Variants in LPA observed in about 807,000 individuals in gnomAD.
LPA encodes lipoprotein(a).
In LPA, 199 loss-of-function variants were observed where a neutral mutation model predicts 197.9. That is an observed-to-expected ratio of 1.01 (90% CI 0.90 to 1.13). LPA has a LOEUF of 1.13. LPA is among the 50% of genes most tolerant of loss of function. The pLI is 0.00. For missense variants in LPA, 1,853 were observed against 1,785.8 expected, an observed-to-expected ratio of 1.04 and a Z score of -0.68; for synonymous variants, 715 against 639.5, an observed-to-expected ratio of 1.12 and a Z score of -1.78.
rs1249380883 is a variant in LPA at position 160,611,736 on chromosome 6, C to G, written c.2444-15G>C. 2.1e-6 allele frequency: 3 copies of G among 1,449,534 alleles called. No homozygotes were observed. The highest frequency in any genetic ancestry group is 1.8e-5 in the Admixed American group (1 of 57,102). 89.8% of individuals were successfully genotyped at this position (1,449,534 alleles called of 1,614,324 possible). ...CTCAGTCGGTGCTGAAATGAAAACA[C>G]AAGAAATAAACTGAGTATCTCTGAG... On this transcript the variant is annotated splice_polypyrimidine_tract_variant and intron_variant, in intron 15 of 38. Coordinates refer to ENST00000316300, the MANE Select transcript of LPA (RefSeq NM_005577.4).
rs540293854 is a variant in LPA at position 160,586,630 on chromosome 6, A to G, written c.3948T>C (p.Gly1316=). The G allele has an allele frequency of 6.2e-7, 1 of 1,613,634 alleles. No individual in the cohort carries two copies. Among genetic ancestry groups the G allele is most frequent in the Admixed American group, 1.7e-5 (1 of 59,986 alleles). The change falls in exon 25 of 39, where the codon GGT becomes GGC. Residue 1316 remains glycine (G), a splice_region_variant and synonymous_variant. Transcript: ENST00000316300. ...TCCTGCAGTAGTTCCTGGTCAGGCC[A>G]CTGCAAATTCCAAAACAATACAGGT... ...HQRTTEYYPN[G]GLTRNYCRNP...
intron 28 of LPA, among the ~76,000 whole-genome samples, chr6:160,560,092 A>G (rs1778336325): frequency 6.6e-6 from 1 of 152,192 alleles, no homozygotes; most frequent in Admixed American, 6.5e-5. Flanking sequence ...TTCCAGCTTC[A>G]TCCATGTCCC....
chr6:160,585,533 C>T (rs1400605220), intron 25 of LPA, among the ~76,000 whole-genome samples: 3 of 152,060 alleles, frequency 2.0e-5, no homozygotes, highest in Non-Finnish European at 4.4e-5. Context: ...GAGAACAAGG[C>T]AGGAGACCAG....
At chr6:160,533,531 CAT>C (rs935615406) in intron 37 of LPA, among the ~76,000 whole-genome samples, 3 of 152,160 alleles carry the variant, frequency 2.0e-5, no homozygotes, top group African/African-American at 7.2e-5. Flanking sequence ...CAACCTTCCA[CAT>C]GTTTGTTCAT....
chr6:160,555,840 A>G (rs1007387870), intron 30 of LPA, among the ~76,000 whole-genome samples, 185 bp downstream of exon 30: 1 of 152,124 alleles, frequency 6.6e-6, no homozygotes, highest in African/African-American at 2.4e-5. Context: ...CTATTAGAAA[A>G]GATAGCAAGC....
Position 160,531,489 on chromosome 6 carries a change from C to G in LPA, c.*240G>C. ...GACCAAAACCAAAATTAATTCAAAT[C>G]AAAATAAGTGCAGAGTTTATTTTTA... On this transcript the variant is annotated 3_prime_UTR_variant, in exon 39 of 39. Coordinates refer to ENST00000316300, the MANE Select transcript of LPA (RefSeq NM_005577.4). 1 of 532,924 alleles carries G rather than the reference C, an allele frequency of 1.9e-6. No homozygotes were observed. Among genetic ancestry groups the G allele is most frequent in the Non-Finnish European group, 3.4e-6 (1 of 298,254 alleles). 33.0% of individuals were successfully genotyped at this position (532,924 alleles called of 1,614,324 possible). A position where few individuals can be genotyped will look rare whatever the true frequency, so the allele number is the denominator to read the frequency against.
intron 20 of LPA, 70 bp from the exon 21 acceptor site, chr6:160,595,605 A>G: frequency 6.2e-7 from 1 of 1,608,454 alleles, no homozygotes; most frequent in Non-Finnish European, 8.5e-7. Flanking sequence ...CGCCCTCTAC[A>G]TTTTGCTGTA....
At chr6:160,535,578 GTGGTGA>G (rs1337953587) in intron 37 of LPA, among the ~76,000 whole-genome samples, 4 of 38,746 alleles carry the variant, frequency 1.0e-4, no homozygotes, top group African/African-American at 2.4e-4. Context: ...GATGATGGTG[GTGGTGA>G]TGGTGATGGT....
intron 16 of LPA, among the ~76,000 whole-genome samples, chr6:160,609,693 C>G (rs573400405): frequency 6.6e-6 from 1 of 152,008 alleles, no homozygotes; most frequent in East Asian, 1.9e-4. Flanking sequence ...AGGAAATCTT[C>G]TTATATTTTC....
At chr6:160,573,342 T>C (rs920046258) in intron 28 of LPA, among the ~76,000 whole-genome samples, 4 of 151,708 alleles carry the variant, frequency 2.6e-5, no homozygotes, top group Non-Finnish European at 4.4e-5. Context: ...TTACTTCTTA[T>C]ACCTTTTTTT....
intron 22 of LPA, 142 bp from the exon 23 acceptor site, chr6:160,591,243 C>T (rs914543037): frequency 6.6e-6 from 7 of 1,062,926 alleles, no homozygotes; most frequent in African/African-American, 4.8e-5. Context: ...AATCACAAAT[C>T]GTCCTCAACT....
chr6:160,607,967 A>G (rs1024688111), intron 16 of LPA, among the ~76,000 whole-genome samples: 1 of 152,188 alleles, frequency 6.6e-6, no homozygotes, highest in Non-Finnish European at 1.5e-5. Context: ...TGCATGAGGT[A>G]AGAAACTTAC....
intron 27 of LPA, among the ~76,000 whole-genome samples, chr6:160,577,802 T>C (rs1778712653): frequency 6.6e-6 from 1 of 152,148 alleles, no homozygotes; most frequent in Non-Finnish European, 1.5e-5. Flanking sequence ...TCAAGGAGGG[T>C]TAGAGACAAA....
chr6:160,588,098 T>C (rs1464378987), intron 24 of LPA, among the ~76,000 whole-genome samples: 3 of 152,132 alleles, frequency 2.0e-5, no homozygotes, highest in African/African-American at 7.2e-5. Flanking sequence ...AATTCTATAA[T>C]TTCTGGGCCT....
At chr6:160,568,306 T>C (rs925481610) in intron 28 of LPA, among the ~76,000 whole-genome samples, 3 of 152,002 alleles carry the variant, frequency 2.0e-5, no homozygotes, top group Non-Finnish European at 4.4e-5. Flanking sequence ...AAGTTGGCTT[T>C]ATCCCTGGGA....
chr6:160,537,427 C>T lies in LPA; in HGVS notation c.5842+428G>A, dbSNP rs138615726. Among the ~76,000 whole-genome samples, 28 of 152,300 alleles carry T rather than the reference C, an allele frequency of 1.8e-4. No homozygotes were observed. In the East Asian group the frequency reaches 5.2e-3, roughly 28 times the overall value. On this transcript the variant is annotated intron_variant, in intron 37 of 38. Transcript: ENST00000316300. ...TACAACTTTTGTCGTTACTGTTTTG[C>T]ACCATGTTTAGAAACGCAGTCTGTC... is the stretch of plus-strand genomic sequence containing the variant.
At position 160,646,200 on chromosome 6, in the gene LPA, CACA is replaced by C. The variant is rs1562350928; in HGVS notation, c.391+11_391+13del. ...GCATCGAAGCGTGTAGATGTCTGGC[CACA>C]GACTCCTTACCTTGTTCGGAAGGAG... On this transcript the variant is annotated intron_variant, in intron 3 of 38. Coordinates refer to ENST00000316300, the MANE Select transcript of LPA (RefSeq NM_005577.4). 3 of 3,772 alleles carry C rather than the reference CACA, an allele frequency of 8.0e-4. No individual in the cohort carries two copies. Among genetic ancestry groups the C allele is most frequent in the South Asian group, 4.2e-3 (3 of 722 alleles). 0.2% of individuals were successfully genotyped at this position (3,772 alleles called of 1,614,324 possible).
chr6:160,634,754 G>A (rs1268953476), intron 7 of LPA, among the ~76,000 whole-genome samples: 1 of 151,808 alleles, frequency 6.6e-6, no homozygotes, highest in East Asian at 1.9e-4. Context: ...AGATTGCACT[G>A]ACTGCTGGCT....
Position 160,548,454 on chromosome 6 carries a change from CAAGGT to C in LPA, c.5155+19_5155+23del, listed in dbSNP as rs1562317373. 1 of 1,612,336 alleles carries C rather than the reference CAAGGT, an allele frequency of 6.2e-7. No homozygotes were observed. The highest frequency in any genetic ancestry group is 8.5e-7 in the Non-Finnish European group (1 of 1,179,160). On this transcript the variant is annotated intron_variant, in intron 31 of 38. Coordinates refer to ENST00000316300, the MANE Select transcript of LPA (RefSeq NM_005577.4). Reference sequence around the variant, plus strand: ...AGCACATAGAGAGGTATGTGCTAGACAAGGTAAGACACAGACTTCTTACCTTGTTC... The same window carrying C: ...AGCACATAGAGAGGTATGTGCTAGACAAGACACAGACTTCTTACCTTGTTC...
Sources: gnomAD v4.1 joint callset for allele counts (sites outside exome capture counted in the v4.1 genomes callset) on GRCh38, gnomAD v4.1.1 for gene constraint, MANE v1.5 for transcripts, NCBI Gene and HGNC (gene_info 2026-07-23, HGNC 2026-07-21) for gene names.